Variants in CNTNAP2 observed in about 807,000 individuals in gnomAD.
CNTNAP2 encodes contactin-associated protein-like 2.
In CNTNAP2, 98 loss-of-function variants were observed where a neutral mutation model predicts 155.2. That is an observed-to-expected ratio of 0.63 (90% confidence interval 0.54 to 0.75). The LOEUF is 0.75. CNTNAP2 is among the 30% of genes least tolerant of loss of function. The pLI is 0.00. For synonymous variants in CNTNAP2, 651 were observed against 631.2 expected, an observed-to-expected ratio of 1.03 and a Z score of -0.47; for missense variants, 1,727 against 1,688.1, an observed-to-expected ratio of 1.02 and a Z score of -0.40.
intron 18 of CNTNAP2, among the ~76,000 whole-genome samples, chr7:148,179,586 GGAGA>G (rs1265971428): frequency 6.8e-6 from 1 of 147,862 alleles, no homozygotes; most frequent in African/African-American, 2.5e-5. Context: ...GGGGTGCGGG[GGAGA>G]GAGAGGGAGG....
intron 2 of CNTNAP2, among the ~76,000 whole-genome samples, chr7:146,790,147 TTAAA>T (rs1467829092): frequency 1.3e-5 from 2 of 152,122 alleles, no homozygotes; most frequent in African/African-American, 4.8e-5. Context: ...CTATCAAGTA[TTAAA>T]TAAAGTAAAG....
chr7:146,140,940 A>G (rs1037225134), intron 1 of CNTNAP2, among the ~76,000 whole-genome samples: 2 of 152,196 alleles, frequency 1.3e-5, no homozygotes, highest in African/African-American at 2.4e-5. Flanking sequence ...GGCCTACCCT[A>G]CAAAGAATTT....
chr7:146,656,023 A>G (rs1799991071), intron 1 of CNTNAP2, among the ~76,000 whole-genome samples: 1 of 152,190 alleles, frequency 6.6e-6, no homozygotes, highest in Non-Finnish European at 1.5e-5. Context: ...ATCAGTTATA[A>G]TTTCTCAAAA....
intron 8 of CNTNAP2, among the ~76,000 whole-genome samples, chr7:147,167,997 T>C (rs1489997875): frequency 6.7e-6 from 1 of 149,352 alleles, no homozygotes; most frequent in Admixed American, 6.7e-5. Context: ...TGTATAAATT[T>C]ACATGCATAT....
At chr7:147,014,875 T>C (rs1811451223) in intron 3 of CNTNAP2, among the ~76,000 whole-genome samples, 1 of 152,190 alleles carries the variant, frequency 6.6e-6, no homozygotes. Flanking sequence ...CATGCTAATA[T>C]GTTATTCTCT....
At chr7:147,459,228 G>C (rs977635253) in intron 10 of CNTNAP2, among the ~76,000 whole-genome samples, 1 of 152,162 alleles carries the variant, frequency 6.6e-6, no homozygotes, top group Non-Finnish European at 1.5e-5. Flanking sequence ...CATTTGGTTA[G>C]TGGGACAGCC....
At chr7:147,220,763 G>A (rs1803378985) in intron 8 of CNTNAP2, among the ~76,000 whole-genome samples, 1 of 152,032 alleles carries the variant, frequency 6.6e-6, no homozygotes, top group Non-Finnish European at 1.5e-5. Context: ...TGCCCAGGCT[G>A]GAGTGTAGTG....
chr7:147,320,997 GTCT>G lies in CNTNAP2; in HGVS notation c.1498+20711_1498+20713del. ...ATGTAAGTTTCTCAAAAATGTTATA[GTCT>G]TCTAATCTATTTTCTTTCAGGCAGT... On this transcript the variant is annotated intron_variant, in intron 9 of 23. Transcript: ENST00000361727. Among the ~76,000 whole-genome samples, 3 of 152,308 alleles carry G rather than the reference GTCT, an allele frequency of 2.0e-5. No homozygotes were observed. The South Asian group carries it at 6.2e-4, about 32-fold the overall frequency.
chr7:146,419,790 G>A (rs1269111260), intron 1 of CNTNAP2, among the ~76,000 whole-genome samples: 1 of 152,054 alleles, frequency 6.6e-6, no homozygotes, highest in Non-Finnish European at 1.5e-5. Context: ...CCTGCCACCA[G>A]GTTGCCCACA....
chr7:147,273,102 C>T (rs1454525279), intron 8 of CNTNAP2, among the ~76,000 whole-genome samples: 2 of 152,042 alleles, frequency 1.3e-5, no homozygotes, highest in East Asian at 3.9e-4. Context: ...AGTTGAAATC[C>T]TATGTTCTGC....
intron 20 of CNTNAP2, among the ~76,000 whole-genome samples, chr7:148,258,269 C>A (rs553685571): frequency 6.6e-6 from 1 of 152,130 alleles, no homozygotes; most frequent in Non-Finnish European, 1.5e-5. Context: ...CACAGGGTTA[C>A]GGTCTCACCA....
At chr7:146,884,024 G>T (rs1250006032) in intron 3 of CNTNAP2, among the ~76,000 whole-genome samples, 1 of 152,070 alleles carries the variant, frequency 6.6e-6, no homozygotes, top group Non-Finnish European at 1.5e-5. Flanking sequence ...ATTTTCAATA[G>T]AAAAGTTCAT....
intron 15 of CNTNAP2, among the ~76,000 whole-genome samples, chr7:147,981,549 C>T (rs772695084): frequency 6.6e-6 from 1 of 152,166 alleles, no homozygotes; most frequent in Non-Finnish European, 1.5e-5. Context: ...CAGAACCTGC[C>T]TCTTGAATTA....
intron 13 of CNTNAP2, among the ~76,000 whole-genome samples, chr7:147,827,580 A>C (rs780890307): frequency 4.6e-5 from 7 of 152,204 alleles, no homozygotes; most frequent in Non-Finnish European, 1.0e-4. Context: ...GAAAGAGGAA[A>C]GAGATTTGTA....
chr7:147,490,950 C>T (rs527747730), intron 11 of CNTNAP2, among the ~76,000 whole-genome samples: 30 of 152,116 alleles, frequency 2.0e-4, no homozygotes, highest in African/African-American at 5.8e-4. Flanking sequence ...AGAACTCACC[C>T]GCTGTCATGA....
chr7:148,078,210 C>A (rs1004489384), intron 15 of CNTNAP2, among the ~76,000 whole-genome samples: 5 of 151,934 alleles, frequency 3.3e-5, no homozygotes, highest in Non-Finnish European at 7.4e-5. Context: ...ATTACAGGTG[C>A]ATGCCAGCAT....
At chr7:146,751,996 G>T (rs931645111) in intron 1 of CNTNAP2, among the ~76,000 whole-genome samples, 1 of 152,112 alleles carries the variant, frequency 6.6e-6, no homozygotes, top group African/African-American at 2.4e-5. Flanking sequence ...TGGTGTATAT[G>T]TGCCACCTTT....
At position 147,771,048 on chromosome 7, in the gene CNTNAP2, C is replaced by T. The variant is rs114077546; in HGVS notation, c.2098+131742C>T. 3.3e-3 allele frequency among the ~76,000 whole-genome samples: 501 copies of T among 152,204 alleles called. 6 individuals are homozygous for T. Among genetic ancestry groups the T allele is most frequent in the African/African-American group, 0.011 (472 of 41,528 alleles). On this transcript the variant is annotated intron_variant, in intron 13 of 23. Coordinates refer to ENST00000361727, the MANE Select transcript of CNTNAP2 (RefSeq NM_014141.6). The stretch of plus-strand genomic sequence containing the variant: ...TAGAGGACTCAAAAATTGATATATG[C>T]ATTTATAAATGCTAGATTTATAACC...
intron 20 of CNTNAP2, among the ~76,000 whole-genome samples, chr7:148,238,779 T>C (rs1263456793): frequency 6.6e-6 from 1 of 152,216 alleles, no homozygotes; most frequent in East Asian, 1.9e-4. Flanking sequence ...GGATCCTTCT[T>C]TTCTGTAGAA....
Sources: gnomAD v4.1 joint callset for allele counts (sites outside exome capture counted in the v4.1 genomes callset) on GRCh38, gnomAD v4.1.1 for gene constraint, MANE v1.5 for transcripts, NCBI Gene and HGNC (gene_info 2026-07-23, HGNC 2026-07-21) for gene names.